STX11: variants seen among roughly 807,000 people sequenced by gnomAD.
The protein encoded by STX11 is syntaxin 11.
A neutral mutation model predicts 19.9 loss-of-function variants in STX11; 21 were observed. The observed-to-expected ratio is 1.06, with a 90% CI of 0.75 to 1.52. The LOEUF (loss-of-function observed/expected upper bound fraction) is 1.52, where lower values mean the gene tolerates loss of function less well. Among genes scored for constraint, STX11 ranks in the 40% most tolerant of loss-of-function variants. The pLI is 0.00. For synonymous variants in STX11, 193 were observed against 174.4 expected (o/e 1.11, Z -0.84); for missense variants, 438 against 405.9 (o/e 1.08, Z -0.68).
At position 144,183,120 on chromosome 6, in the gene STX11, G is replaced by A. The variant is rs1801946659; in HGVS notation, c.-5-3503G>A. ...TGTGTGTGGACATTATAAAAATTTT[G>A]GAAAATACAGAAAAGCAAAAGGAAG... On this transcript the variant is annotated intron_variant, in intron 1 of 1. Coordinates refer to ENST00000367568, the MANE Select transcript of STX11 (RefSeq NM_003764.4). The surrounding 1 kb of genome is among the most constrained non-coding windows in gnomAD (Gnocchi z 4.6). Among the ~76,000 whole-genome samples, 1 of 152,110 alleles carries A rather than the reference G, an allele frequency of 6.6e-6. No individual in the cohort carries two copies. Among genetic ancestry groups the A allele is most frequent in the African/African-American group, 2.4e-5 (1 of 41,428 alleles).
rs1801518585 is a variant in STX11 at position 144,167,623 on chromosome 6, TA to T, written c.-6+16921del. 6.6e-6 allele frequency among the ~76,000 whole-genome samples: 1 copy of T among 152,210 alleles called. No individual in the cohort carries two copies. The highest frequency in any genetic ancestry group is 2.4e-5 in the African/African-American group (1 of 41,438). On this transcript the variant is annotated intron_variant, in intron 1 of 1. Coordinates refer to ENST00000367568, the MANE Select transcript of STX11 (RefSeq NM_003764.4). This position sits in a 1 kb window ranked among gnomAD's most constrained non-coding sequence, Gnocchi z 5.0. ...CTTCTCCTTTTTTTCATTTCTTTTTTATTTTCTTTTTTTGAGACAAGATCTT... is the reference window on the plus strand; with the variant it reads ...CTTCTCCTTTTTTTCATTTCTTTTTTTTTTCTTTTTTTGAGACAAGATCTT...
chr6:144,190,682 A>G lies in STX11; in HGVS notation c.*3191A>G, dbSNP rs1802192166. Among the ~76,000 whole-genome samples, 1 of 152,116 alleles carries G rather than the reference A, an allele frequency of 6.6e-6. No individual in the cohort carries two copies. Among genetic ancestry groups the G allele is most frequent in the East Asian group, 1.9e-4 (1 of 5,194 alleles). On this transcript the variant is annotated 3_prime_UTR_variant, in exon 2 of 2. Transcript: ENST00000367568. ...TGAAGAAGAAATGAGATGTTCCACC[A>G]AAAACACGTAAGCAGGAAGCAGCTG... is the stretch of plus-strand genomic sequence containing the variant.
At chr6:144,157,690 T>C (rs1159598603) in intron 1 of STX11, among the ~76,000 whole-genome samples, 1 of 152,036 alleles carries the variant, frequency 6.6e-6, no homozygotes, top group African/African-American at 2.4e-5. Context: ...AGGGCAGTAG[T>C]GGTGTTTAAC....
Position 144,153,503 on chromosome 6 carries a change from G to A in STX11, c.-6+2800G>A, listed in dbSNP as rs1801057584. ...AGTGACGGCACAGAGGGAGGCCTACGGAGACAGGAAGGGCCAGATCACAAA... is the reference window on the plus strand; with the variant it reads ...AGTGACGGCACAGAGGGAGGCCTACAGAGACAGGAAGGGCCAGATCACAAA... On this transcript the variant is annotated intron_variant, in intron 1 of 1. Coordinates refer to ENST00000367568, the MANE Select transcript of STX11 (RefSeq NM_003764.4). The surrounding 1 kb of genome is among the most constrained non-coding windows in gnomAD (Gnocchi z 5.0). 6.6e-6 allele frequency among the ~76,000 whole-genome samples: 1 copy of A among 152,170 alleles called. No individual in the cohort carries two copies. The highest frequency in any genetic ancestry group is 2.4e-5 in the African/African-American group (1 of 41,428).
intron 1 of STX11, among the ~76,000 whole-genome samples, chr6:144,185,827 AT>A (rs1802014358): frequency 6.6e-6 from 1 of 152,244 alleles, no homozygotes; most frequent in African/African-American, 2.4e-5. Flanking sequence ...TTTTGTTGTC[AT>A]TTTACTTCAA....
chr6:144,189,750 T>C lies in STX11; in HGVS notation c.*2259T>C, dbSNP rs559748493. On this transcript the variant is annotated 3_prime_UTR_variant, in exon 2 of 2. Coordinates refer to ENST00000367568, the MANE Select transcript of STX11 (RefSeq NM_003764.4). ...TAATTTCATGGTTAAATTTGAGAATTGTGGAAACCAAGTTCCACAAGGCTA... is the reference window on the plus strand; with the variant it reads ...TAATTTCATGGTTAAATTTGAGAATCGTGGAAACCAAGTTCCACAAGGCTA... Among the ~76,000 whole-genome samples the C allele has an allele frequency of 6.6e-6, 1 of 152,216 alleles. No homozygotes were observed. The highest frequency in any genetic ancestry group is 1.5e-5 in the Non-Finnish European group (1 of 68,038).
chr6:144,174,473 G>A lies in STX11; in HGVS notation c.-5-12150G>A, dbSNP rs937062823. Among the ~76,000 whole-genome samples the A allele has an allele frequency of 6.6e-6, 1 of 152,084 alleles. No homozygotes were observed. Among genetic ancestry groups the A allele is most frequent in the African/African-American group, 2.4e-5 (1 of 41,416 alleles). ...CAACCTCTGCATCCCAGGTTCAAGCGATCTTCCAGCCTTAGCCTCCCGAGT... is the reference window on the plus strand; with the variant it reads ...CAACCTCTGCATCCCAGGTTCAAGCAATCTTCCAGCCTTAGCCTCCCGAGT... On this transcript the variant is annotated intron_variant, in intron 1 of 1. Transcript: ENST00000367568. The surrounding 1 kb of genome is among the most constrained non-coding windows in gnomAD (Gnocchi z 5.3).
chr6:144,158,390 A>G (rs571798584), intron 1 of STX11, among the ~76,000 whole-genome samples: 15 of 152,338 alleles, frequency 9.8e-5, no homozygotes, highest in South Asian at 6.2e-4. Flanking sequence ...TTGGCCTTAT[A>G]CTATCTTAGA....
chr6:144,162,071 T>C lies in STX11; in HGVS notation c.-6+11368T>C, dbSNP rs1326874092. ...TCAGTTGGCTACCTCTACCGCACTC[T>C]AGATTCTCTTTTACCCTGTTCAGAG... On this transcript the variant is annotated intron_variant, in intron 1 of 1. Coordinates refer to ENST00000367568, the MANE Select transcript of STX11 (RefSeq NM_003764.4). This position sits in a 1 kb window ranked among gnomAD's most constrained non-coding sequence, Gnocchi z 4.6. Among the ~76,000 whole-genome samples, 1 of 152,312 alleles carries C rather than the reference T, an allele frequency of 6.6e-6. No individual in the cohort carries two copies. Among genetic ancestry groups the C allele is most frequent in the Admixed American group, 6.5e-5 (1 of 15,306 alleles).
rs1321116000 is a variant in STX11, at chr6:144,180,790, CAG to C, written c.-5-5831_-5-5830del. Among the ~76,000 whole-genome samples the C allele has an allele frequency of 6.6e-6, 1 of 152,172 alleles. No individual in the cohort carries two copies. The highest frequency in any genetic ancestry group is 1.9e-4 in the East Asian group (1 of 5,200). On this transcript the variant is annotated intron_variant, in intron 1 of 1. Coordinates refer to ENST00000367568, the MANE Select transcript of STX11 (RefSeq NM_003764.4). This position sits in a 1 kb window ranked among gnomAD's most constrained non-coding sequence, Gnocchi z 5.3. ...TCTGAATTGTTCCTTCCTGATATGA[CAG>C]AAAATTTTAAGATTCTATGTGCCAA...
At position 144,189,211 on chromosome 6, in the gene STX11, CAG is replaced by C. The variant is rs1802152292; in HGVS notation, c.*1721_*1722del. Among the ~76,000 whole-genome samples, 1 of 152,140 alleles carries C rather than the reference CAG, an allele frequency of 6.6e-6. No individual in the cohort carries two copies. The highest frequency in any genetic ancestry group is 6.5e-5 in the Admixed American group (1 of 15,274). On this transcript the variant is annotated 3_prime_UTR_variant, in exon 2 of 2. Transcript: ENST00000367568. ...CTAATTTTTGTATTTTCTGTAGAGA[CAG>C]GGTTTGCCATGTGGCCCAGGCTGGT...
Position 144,151,826 on chromosome 6 carries a change from C to G in STX11, c.-6+1123C>G, listed in dbSNP as rs544388451. On this transcript the variant is annotated intron_variant, in intron 1 of 1. Transcript: ENST00000367568. This position sits in a 1 kb window ranked among gnomAD's most constrained non-coding sequence, Gnocchi z 4.6. ...TAAAACCACATGATGATTTTTGAAG[C>G]GGGTGGGTCCCAGCGGGAGCAGAGA... 5.3e-5 allele frequency among the ~76,000 whole-genome samples: 8 copies of G among 152,244 alleles called. No individual in the cohort carries two copies. In the South Asian group the frequency reaches 1.2e-3, roughly 24 times the overall value.
In STX11 at chr6:144,188,241, T is replaced by A. The variant is rs1284955743; in HGVS notation, c.*750T>A. 2 of 233,920 alleles carry A rather than the reference T, an allele frequency of 8.5e-6. No homozygotes were observed. The highest frequency in any genetic ancestry group is 1.8e-5 in the Non-Finnish European group (2 of 109,728). The allele number at this position is 233,920 out of a possible 1,614,324, so 14.5% of individuals were successfully genotyped here. ...TGATAAAAATTATTTAACATTTATATTTTTACTTGATTACATATGCACATG... is the reference window on the plus strand; with the variant it reads ...TGATAAAAATTATTTAACATTTATAATTTTACTTGATTACATATGCACATG... On this transcript the variant is annotated 3_prime_UTR_variant, in exon 2 of 2. Transcript: ENST00000367568.
In STX11 at chr6:144,186,742, C is replaced by G. The variant is rs1018799133; in HGVS notation, c.115C>G (p.His39Asp). Residue 39 changes from histidine to aspartate, a missense_variant, in exon 2 of 2, where the codon CAC becomes GAC. Physicochemically the swap from His to Asp is moderately conservative, Grantham distance 81 (BLOSUM62 -1). Coordinates refer to ENST00000367568, the MANE Select transcript of STX11 (RefSeq NM_003764.4). ...PHEDIVFETD[H>D]ILESLYRDIR... ...CGAGGACATCGTGTTCGAGACGGACCACATCCTGGAGTCCCTGTACCGAGA... is the reference window on the plus strand; with the variant it reads ...CGAGGACATCGTGTTCGAGACGGACGACATCCTGGAGTCCCTGTACCGAGA... The G allele has an allele frequency of 6.2e-7, 1 of 1,614,166 alleles. No homozygotes were observed. Among genetic ancestry groups the G allele is most frequent in the African/African-American group, 1.3e-5 (1 of 75,058 alleles).
rs1801709962 is a variant in STX11 at position 144,174,004 on chromosome 6, TTTA to T, written c.-5-12613_-5-12611del. On this transcript the variant is annotated intron_variant, in intron 1 of 1. Coordinates refer to ENST00000367568, the MANE Select transcript of STX11 (RefSeq NM_003764.4). This position sits in a 1 kb window ranked among gnomAD's most constrained non-coding sequence, Gnocchi z 5.3. The stretch of plus-strand genomic sequence containing the variant: ...GTTTTGGTGGTTTCAAACACAACGA[TTTA>T]TTATTTCTCACTATCCTGTTGATTG... 6.6e-6 allele frequency among the ~76,000 whole-genome samples: 1 copy of T among 152,220 alleles called. No homozygotes were observed. The highest frequency in any genetic ancestry group is 1.5e-5 in the Non-Finnish European group (1 of 68,040).
chr6:144,166,967 G>A (rs968110737), intron 1 of STX11, among the ~76,000 whole-genome samples: 5 of 151,572 alleles, frequency 3.3e-5, no homozygotes, highest in Non-Finnish European at 5.9e-5. Flanking sequence ...AGTACAGTGT[G>A]ACTTGCCCTG....
At position 144,153,765 on chromosome 6, in the gene STX11, A is replaced by G. The variant is rs1025943251; in HGVS notation, c.-6+3062A>G. Reference sequence around the variant, plus strand: ...GGGAAAAGAGGGAAGGGGCTGGTAGAGGTTTAATAGGTGGAACCCTGTCGG... The same window carrying G: ...GGGAAAAGAGGGAAGGGGCTGGTAGGGGTTTAATAGGTGGAACCCTGTCGG... On this transcript the variant is annotated intron_variant, in intron 1 of 1. Coordinates refer to ENST00000367568, the MANE Select transcript of STX11 (RefSeq NM_003764.4). This position sits in a 1 kb window ranked among gnomAD's most constrained non-coding sequence, Gnocchi z 5.0. 1.4e-4 allele frequency among the ~76,000 whole-genome samples: 21 copies of G among 152,114 alleles called. No individual in the cohort carries two copies. The highest frequency in any genetic ancestry group is 6.5e-5 in the Admixed American group (1 of 15,272).
the STX11 span, among the ~76,000 whole-genome samples, chr6:144,145,133 G>T: frequency 6.6e-6 from 1 of 152,182 alleles, no homozygotes; most frequent in Non-Finnish European, 1.5e-5. Flanking sequence ...TAGCCAAAGG[G>T]TGGAAGCAAC....
rs1801096214 is a variant in STX11 at position 144,154,946 on chromosome 6, C to CA, written c.-6+4244dup. Among the ~76,000 whole-genome samples, 1 of 152,152 alleles carries CA rather than the reference C, an allele frequency of 6.6e-6. No individual in the cohort carries two copies. Among genetic ancestry groups the CA allele is most frequent in the Admixed American group, 6.5e-5 (1 of 15,270 alleles). On this transcript the variant is annotated intron_variant, in intron 1 of 1. Transcript: ENST00000367568. The surrounding 1 kb of genome is among the most constrained non-coding windows in gnomAD (Gnocchi z 4.7). ...ACCAACAACCCTGTCCACCCGCCCCCACCGCCTCCAAAAAAATGATCCCAA... is the reference window on the plus strand; with the variant it reads ...ACCAACAACCCTGTCCACCCGCCCCCAACCGCCTCCAAAAAAATGATCCCAA...
Sources: allele counts gnomAD v4.1 joint callset (sites outside exome capture counted in the v4.1 genomes callset), GRCh38; gene constraint gnomAD v4.1.1; non-coding constraint Gnocchi (gnomAD v3.1); transcripts MANE v1.5; gene names NCBI Gene and HGNC (gene_info 2026-07-23, HGNC 2026-07-21).